The following PDIK1L variants were observed in gnomAD, a reference collection of about 807,000 sequenced individuals.
PDIK1L encodes the protein serine/threonine-protein kinase PDIK1L.
Under a neutral mutation model 27.1 loss-of-function variants are expected in PDIK1L, and 9 were observed. That is an observed-to-expected ratio of 0.33 (90% CI 0.20 to 0.58). PDIK1L has a LOEUF of 0.58. Ranked by LOEUF, PDIK1L falls within the 20% of genes least tolerant of loss-of-function variation. The pLI, the probability that PDIK1L is intolerant of heterozygous loss-of-function variation, is 0.86. For missense variants in PDIK1L, 216 were observed against 413.2 expected (o/e 0.52, Z 4.14); for synonymous variants, 130 against 141.7 (o/e 0.92, Z 0.59).
At chr1:26,112,290 C>A (rs1344940929) in intron 1 of PDIK1L, among the ~76,000 whole-genome samples, 1 of 152,208 alleles carries the variant, frequency 6.6e-6, no homozygotes, top group Non-Finnish European at 1.5e-5. Flanking sequence ...TGGCCCTTCC[C>A]GGGCGCCGGC....
intron 2 of PDIK1L, among the ~76,000 whole-genome samples, chr1:26,120,493 G>C (rs1437952787): frequency 6.6e-6 from 1 of 152,236 alleles, no homozygotes; most frequent in Admixed American, 6.5e-5. Context: ...CATGTGGAGA[G>C]ATGGCGTGAA....
rs1297847824 is a variant in PDIK1L at position 26,114,201 on chromosome 1, TCAGA to T, written c.-17-86_-17-83del. ...AATATCCTTCAAGCACTGCAGACAG[TCAGA>T]CAGATGACAAGTAAATCATACATAA... On this transcript the variant is annotated intron_variant, in intron 1 of 2. Transcript: ENST00000374269. The surrounding 1 kb of genome is among the most constrained non-coding windows in gnomAD (Gnocchi z 4.8). 3.1e-6 allele frequency: 4 copies of T among 1,289,330 alleles called. No homozygotes were observed. Among genetic ancestry groups the T allele is most frequent in the South Asian group, 1.5e-5 (1 of 65,356 alleles). The allele number at this position is 1,289,330 out of a possible 1,614,324, so 79.9% of individuals were successfully genotyped here.
Position 26,114,477 on chromosome 1 carries a change from C to T in PDIK1L, c.169C>T (p.Leu57=). 1 of 1,614,116 alleles carries T rather than the reference C, an allele frequency of 6.2e-7. No individual in the cohort carries two copies. The highest frequency in any genetic ancestry group is 8.5e-7 in the Non-Finnish European group (1 of 1,180,020). Residue 57 remains leucine (L), a synonymous_variant, in exon 2 of 3, where the codon CTA becomes TTA. Coordinates refer to ENST00000374269, the MANE Select transcript of PDIK1L (RefSeq NM_152835.5). The surrounding 1 kb of genome is among the most constrained non-coding windows in gnomAD (Gnocchi z 4.8). The stretch of plus-strand genomic sequence containing the variant: ...ACTAGCCCTTCGTGAGTTCTGGGCA[C>T]TAAGCAGTATCAAGAGCCAACATCC... The part of the protein sequence containing the change: ...VELALREFWA[L]SSIKSQHPNV...
rs1557593836 is a variant in PDIK1L, at chr1:26,114,374, G to A, written c.66G>A (p.Val22=). 3 of 1,614,072 alleles carry A rather than the reference G, an allele frequency of 1.9e-6. No homozygotes were observed. Among genetic ancestry groups the A allele is most frequent in the Non-Finnish European group, 2.5e-6 (3 of 1,180,006 alleles). ...TAGGCCGAGGTAGTTACGGTGTTGTGTATGAAGCAGTCATCAGAAAGACCT... is the reference window on the plus strand; with the variant it reads ...TAGGCCGAGGTAGTTACGGTGTTGTATATGAAGCAGTCATCAGAAAGACCT... ...REVGRGSYGV[V]YEAVIRKTSA... is the part of the protein sequence containing the mutation. Residue 22 remains valine (V), a synonymous_variant, in exon 2 of 3, where the codon GTG becomes GTA. Coordinates refer to ENST00000374269, the MANE Select transcript of PDIK1L (RefSeq NM_152835.5). The surrounding 1 kb of genome is among the most constrained non-coding windows in gnomAD (Gnocchi z 4.8).
intron 1 of PDIK1L, among the ~76,000 whole-genome samples, chr1:26,113,376 C>T (rs1470828319): frequency 6.6e-6 from 1 of 151,744 alleles, no homozygotes; most frequent in African/African-American, 2.4e-5. Flanking sequence ...CCTATAGTCC[C>T]AGCTACTCGG....
chr1:26,114,245 C>T lies in PDIK1L; in HGVS notation c.-17-47C>T. The T allele has an allele frequency of 1.3e-6, 2 of 1,499,124 alleles. No homozygotes were observed. The highest frequency in any genetic ancestry group is 4.1e-5 in the Admixed American group (2 of 48,308). 92.9% of individuals were successfully genotyped at this position (1,499,124 alleles called of 1,614,324 possible). On this transcript the variant is annotated intron_variant, in intron 1 of 2. Transcript: ENST00000374269. This position sits in a 1 kb window ranked among gnomAD's most constrained non-coding sequence, Gnocchi z 4.8. ...ATCATACATAAGAAGAAATACAAGC[C>T]AGTAGGTATACATAATTTCAACAGA... is the stretch of plus-strand genomic sequence containing the variant.
intron 2 of PDIK1L, among the ~76,000 whole-genome samples, chr1:26,119,349 G>A (rs1284432169): frequency 1.3e-5 from 2 of 151,690 alleles, no homozygotes; most frequent in Admixed American, 1.3e-4. Context: ...TTGAGGCTGC[G>A]GTGAGCCATG....
At chr1:26,115,325 G>A (rs2087859423) in intron 2 of PDIK1L, among the ~76,000 whole-genome samples, 1 of 152,240 alleles carries the variant, frequency 6.6e-6, no homozygotes, top group Admixed American at 6.5e-5. Flanking sequence ...AATGACAGCT[G>A]AAGCTTATGC....
intron 2 of PDIK1L, among the ~76,000 whole-genome samples, chr1:26,120,950 C>CAAAA (rs11316360): frequency 1.0e-5 from 1 of 96,312 alleles, no homozygotes; most frequent in African/African-American, 3.8e-5. Context: ...GACTCCGTCT[C>CAAAA]AAAAAAAAAA....
At position 26,123,538 on chromosome 1, in the gene PDIK1L, T is replaced by G. The variant is rs1480490685; in HGVS notation, c.*961T>G. On this transcript the variant is annotated 3_prime_UTR_variant, in exon 3 of 3. Transcript: ENST00000374269. The stretch of plus-strand genomic sequence containing the variant: ...TGATACATTTTTGGTTTGAAGACTT[T>G]GTCTAAGCCTCATTATACTGAAGTT... The G allele has an allele frequency of 6.6e-6, 1 of 152,664 alleles. No homozygotes were observed. Among genetic ancestry groups the G allele is most frequent in the Non-Finnish European group, 1.5e-5 (1 of 68,038 alleles). The allele number at this position is 152,664 out of a possible 1,614,324, so 9.5% of individuals were successfully genotyped here.
At chr1:26,115,810 A>AC (rs1340272585) in intron 2 of PDIK1L, among the ~76,000 whole-genome samples, 1 of 151,870 alleles carries the variant, frequency 6.6e-6, no homozygotes, top group Non-Finnish European at 1.5e-5. Flanking sequence ...AAAAAAAAAA[A>AC]AACAAAAAGA....
chr1:26,120,669 C>T (rs1444233656), intron 2 of PDIK1L, among the ~76,000 whole-genome samples: 4 of 152,126 alleles, frequency 2.6e-5, no homozygotes, highest in Non-Finnish European at 5.9e-5. Flanking sequence ...AGACAATATA[C>T]GGGGCCGGGT....
rs147845076 is a variant in PDIK1L at position 26,122,574 on chromosome 1, G to A, written c.1023G>A (p.Thr341=). The A allele has an allele frequency of 6.3e-6, 10 of 1,599,540 alleles. No homozygotes were observed. Among genetic ancestry groups the A allele is most frequent in the Admixed American group, 5.2e-5 (3 of 57,938 alleles). The change falls in exon 3 of 3, where the codon ACG becomes ACA. Residue 341 remains threonine, a synonymous_variant. Transcript: ENST00000374269. The surrounding 1 kb of genome is among the most constrained non-coding windows in gnomAD (Gnocchi z 5.4). ...QIAFKDSSWE[T] ...CATTTAAAGATAGCAGCTGGGAAAC[G>A]TGACACATATTATTTGCAAATACCA...
At position 26,121,261 on chromosome 1, in the gene PDIK1L, G is replaced by A. The variant is rs572079943; in HGVS notation, c.286-576G>A. ...GAAAGAGCCAACGTATTTGCATTCT[G>A]CCTATAGAAGTTTATGAAGTAACGA... is the stretch of plus-strand genomic sequence containing the variant. On this transcript the variant is annotated intron_variant, in intron 2 of 2. Transcript: ENST00000374269. Among the ~76,000 whole-genome samples, 11 of 152,292 alleles carry A rather than the reference G, an allele frequency of 7.2e-5. No individual in the cohort carries two copies. The South Asian group carries it at 2.1e-3, about 29-fold the overall frequency.
intron 2 of PDIK1L, among the ~76,000 whole-genome samples, chr1:26,118,551 G>T (rs1231875548): frequency 6.6e-6 from 1 of 152,120 alleles, no homozygotes; most frequent in Non-Finnish European, 1.5e-5. Flanking sequence ...AATGACCTTG[G>T]ATAAATAACC....
At position 26,121,958 on chromosome 1, in the gene PDIK1L, C is replaced by T; in HGVS notation, c.407C>T (p.Pro136Leu). The T allele has an allele frequency of 6.2e-7, 1 of 1,613,624 alleles. No individual in the cohort carries two copies. The change falls in exon 3 of 3, where the codon CCC (proline) becomes CTC (leucine). Residue 136 changes from proline to leucine, a missense_variant. Physicochemically the swap from Pro to Leu is moderately conservative, Grantham distance 98 (BLOSUM62 -3). Around this residue, in one of 2 missense-constraint regions of PDIK1L, gnomAD observed 169 missense variants for 366.0 expected, o/e 0.46. Coordinates refer to ENST00000374269, the MANE Select transcript of PDIK1L (RefSeq NM_152835.5). ...AATGAGTATCTGTTGTCCAGGAAAC[C>T]CAATCGTAAAACTAACACCAGCTTC... ...DMNEYLLSRK[P>L]NRKTNTSFML...
chr1:26,114,361 G>T lies in PDIK1L; in HGVS notation c.53G>T (p.Ser18Ile), dbSNP rs1164046697. The change falls in exon 2 of 3, where the codon AGT (serine) becomes ATT (isoleucine). Residue 18 changes from serine (S) to isoleucine (I), a missense_variant. Physicochemically the swap from Ser to Ile is moderately radical, Grantham distance 142 (BLOSUM62 -2). Transcript: ENST00000374269. This position sits in a 1 kb window ranked among gnomAD's most constrained non-coding sequence, Gnocchi z 4.8. ...YDLIREVGRG[S>I]YGVVYEAVIR... ...CTAATACGGGAGGTAGGCCGAGGTA[G>T]TTACGGTGTTGTGTATGAAGCAGTC... 1 of 1,613,996 alleles carries T rather than the reference G, an allele frequency of 6.2e-7. No homozygotes were observed. The highest frequency in any genetic ancestry group is 8.5e-7 in the Non-Finnish European group (1 of 1,180,020).
At chr1:26,115,712 G>A (rs2087864343) in intron 2 of PDIK1L, among the ~76,000 whole-genome samples, 1 of 151,994 alleles carries the variant, frequency 6.6e-6, no homozygotes, top group African/African-American at 2.4e-5. Context: ...TGAGGCAGGA[G>A]AATGGCGTGA....
At chr1:26,121,704 C>G in intron 2 of PDIK1L, 133 bp from the exon 3 acceptor site, 1 of 939,490 alleles carries the variant, frequency 1.1e-6, no homozygotes, top group Non-Finnish European at 1.5e-6. Context: ...TTTGAAAGCA[C>G]TGATTAAATA....
Sources: allele counts gnomAD v4.1 joint callset (sites outside exome capture counted in the v4.1 genomes callset), GRCh38; gene constraint gnomAD v4.1.1; regional missense constraint gnomAD v4.1.1; non-coding constraint Gnocchi (gnomAD v3.1); transcripts MANE v1.5; gene names NCBI Gene and HGNC (gene_info 2026-07-23, HGNC 2026-07-21).